The following ITGAL variants were observed in gnomAD, a reference collection of about 807,000 sequenced individuals.
ITGAL encodes integrin alpha-L.
A neutral mutation model predicts 138.4 loss-of-function variants in ITGAL; 68 were observed. That is an observed-to-expected ratio of 0.49 (90% CI 0.40 to 0.60). The LOEUF is 0.60. Among genes scored for constraint, ITGAL ranks in the 20% least tolerant of loss-of-function variants. The pLI is 0.00. For synonymous variants in ITGAL, 561 were observed against 584.3 expected (o/e 0.96, Z 0.57); for missense variants, 1,256 against 1,478.6 (o/e 0.85, Z 2.47).
chr16:30,519,836 C>T (rs2051225293), intron 29 of ITGAL, 21 bp from the exon 30 acceptor site: 1 of 1,554,314 alleles, frequency 6.4e-7, no homozygotes, highest in Non-Finnish European at 8.9e-7. Context: ...TTTTCCGGCA[C>T]TCCCCTCCCC....
intron 20 of ITGAL, among the ~76,000 whole-genome samples, chr16:30,505,842 C>T (rs949076467): frequency 2.0e-5 from 3 of 152,192 alleles, no homozygotes; most frequent in Non-Finnish European, 2.9e-5. Flanking sequence ...CACTGCACCC[C>T]AGCCTGGGTG....
At position 30,494,045 on chromosome 16, in the gene ITGAL, A is replaced by T. The variant is rs1258064464; in HGVS notation, c.1214-167A>T. Among the ~76,000 whole-genome samples the T allele has an allele frequency of 2.0e-5, 3 of 152,152 alleles. No individual in the cohort carries two copies. Among genetic ancestry groups the T allele is most frequent in the African/African-American group, 7.2e-5 (3 of 41,432 alleles). ...GACATGCCATCCCCAAGATGGCAGGATTTGTTTGGCTGGGAGCACATGGAT... is the reference window on the plus strand; with the variant it reads ...GACATGCCATCCCCAAGATGGCAGGTTTTGTTTGGCTGGGAGCACATGGAT... On this transcript the variant is annotated intron_variant, in intron 11 of 30. Transcript: ENST00000356798. The surrounding 1 kb of genome is among the most constrained non-coding windows in gnomAD (Gnocchi z 4.2).
At chr16:30,473,704 G>T (rs1414893620) in intron 1 of ITGAL, among the ~76,000 whole-genome samples, 1 of 152,130 alleles carries the variant, frequency 6.6e-6, no homozygotes, top group African/African-American at 2.4e-5. Context: ...AGGGAGCTGG[G>T]ATCTACAGAT....
At chr16:30,505,018 T>TAAAAAA (rs5816509) in intron 18 of ITGAL, 3 of 249,578 alleles carry the variant, frequency 1.2e-5, no homozygotes, top group East Asian at 5.9e-5. Flanking sequence ...AAGACAGTCT[T>TAAAAAA]AAAAAAAAAA....
chr16:30,518,760 A>T, intron 29 of ITGAL, 41 bp downstream of exon 29: 1 of 1,469,908 alleles, frequency 6.8e-7, no homozygotes, highest in Non-Finnish European at 9.5e-7. Context: ...CAGGCAACAG[A>T]GGGAGCCCAG....
In ITGAL at chr16:30,475,493, C is replaced by G; in HGVS notation, c.260-20C>G. The G allele has an allele frequency of 6.2e-7, 1 of 1,611,360 alleles. No individual in the cohort carries two copies. Among genetic ancestry groups the G allele is most frequent in the Non-Finnish European group, 8.5e-7 (1 of 1,177,480 alleles). On this transcript the variant is annotated intron_variant, in intron 3 of 30. Transcript: ENST00000356798. The stretch of plus-strand genomic sequence containing the variant: ...CTAGACTGCCTGAGCTCCTCCAGAC[C>G]AACCTTCTGGTGCCTACAGGTTCCA...
chr16:30,474,859 T>C (rs1290392760), intron 2 of ITGAL, among the ~76,000 whole-genome samples: 9 of 125,762 alleles, frequency 7.2e-5, no homozygotes, highest in East Asian at 1.2e-3. Context: ...TTTTTTTTTT[T>C]CTTTTTTTTT....
chr16:30,521,684 C>G lies in ITGAL; in HGVS notation c.*19C>G. ...GGACTGAGTCCAGGCCTGTGAGGTG[C>G]AGAGTGCCCAGAACTGGACTCAGGA... is the stretch of plus-strand genomic sequence containing the variant. On this transcript the variant is annotated 3_prime_UTR_variant, in exon 31 of 31. Transcript: ENST00000356798. The G allele has an allele frequency of 3.7e-6, 6 of 1,610,584 alleles. No individual in the cohort carries two copies. Among genetic ancestry groups the G allele is most frequent in the Non-Finnish European group, 5.1e-6 (6 of 1,178,542 alleles).
At position 30,522,472 on chromosome 16, in the gene ITGAL, G is replaced by C. The variant is rs1234323814; in HGVS notation, c.*807G>C. 6.6e-6 allele frequency: 1 copy of C among 152,296 alleles called. No homozygotes were observed. Among genetic ancestry groups the C allele is most frequent in the African/African-American group, 2.4e-5 (1 of 41,436 alleles). 9.4% of individuals were successfully genotyped at this position (152,296 alleles called of 1,614,324 possible). ...ACACGTCATGTTTCTTCATCCGGCA[G>C]CCTGGATGTTTTTTCCCTGTTTAAT... On this transcript the variant is annotated 3_prime_UTR_variant, in exon 31 of 31. Transcript: ENST00000356798. The surrounding 1 kb of genome is among the most constrained non-coding windows in gnomAD (Gnocchi z 4.0).
intron 6 of ITGAL, 82 bp from the exon 7 acceptor site, chr16:30,481,345 TAAAAAAAAAAAA>T: frequency 2.2e-6 from 1 of 448,928 alleles, no homozygotes; most frequent in Non-Finnish European, 3.5e-6. Context: ...AAACTCCATC[TAAAAAAAAAAAA>T]AAAAAAAAAA....
At chr16:30,519,824 C>G (rs1396890466) in intron 29 of ITGAL, 33 bp from the exon 30 acceptor site, 92 of 1,444,410 alleles carry the variant, frequency 6.4e-5, no homozygotes, top group Non-Finnish European at 8.9e-5. Flanking sequence ...GTGGAAAAGG[C>G]ATTTTCCGGC....
chr16:30,514,433 T>C lies in ITGAL; in HGVS notation c.2862+587T>C, dbSNP rs1160652291. Among the ~76,000 whole-genome samples the C allele has an allele frequency of 2.6e-5, 4 of 151,964 alleles. No homozygotes were observed. In the South Asian group the frequency reaches 6.2e-4, roughly 24 times the overall value. ...CTGGGATTACAGGCATGTGCCACCA[T>C]GCCCGGCTAATTTTTGTATTTTTAG... On this transcript the variant is annotated intron_variant, in intron 25 of 30. Coordinates refer to ENST00000356798, the MANE Select transcript of ITGAL (RefSeq NM_002209.3).
In ITGAL at chr16:30,494,396, G is replaced by GT. The variant is rs2050771239; in HGVS notation, c.1365+33_1365+34insT. The GT allele has an allele frequency of 6.4e-7, 1 of 1,566,140 alleles. No individual in the cohort carries two copies. On this transcript the variant is annotated intron_variant, in intron 12 of 30. Transcript: ENST00000356798. The surrounding 1 kb of genome is among the most constrained non-coding windows in gnomAD (Gnocchi z 4.2). ...CAGTCCGAGGGCATCTGCAGACCAG[G>GT]GACTGGCGGGACACACATCACACTC...
intron 25 of ITGAL, among the ~76,000 whole-genome samples, chr16:30,515,278 C>T (rs1428369192): frequency 6.6e-6 from 1 of 152,226 alleles, no homozygotes; most frequent in East Asian, 1.9e-4. Flanking sequence ...TGTCCCACTG[C>T]CTGCTGGAGT....
chr16:30,489,465 A>G, intron 11 of ITGAL, 79 bp downstream of exon 11: 1 of 1,452,770 alleles, frequency 6.9e-7, no homozygotes, highest in Non-Finnish European at 9.6e-7. Context: ...CAAAACAATA[A>G]TGAAAGCAGT....
chr16:30,519,455 A>G (rs1034174187), intron 29 of ITGAL, among the ~76,000 whole-genome samples: 3 of 151,650 alleles, frequency 2.0e-5, no homozygotes, highest in African/African-American at 7.3e-5. Flanking sequence ...GTGAAGAAAG[A>G]GCGCTCTAAG....
chr16:30,487,712 T>C (rs1012787231), intron 9 of ITGAL, among the ~76,000 whole-genome samples: 1 of 137,692 alleles, frequency 7.3e-6, no homozygotes, highest in Non-Finnish European at 1.6e-5. Flanking sequence ...GTGCCTGGCT[T>C]TTTTTTTTTT....
chr16:30,518,475 A>T, intron 28 of ITGAL, 149 bp from the exon 29 acceptor site: 1 of 582,926 alleles, frequency 1.7e-6, no homozygotes, highest in Non-Finnish European at 3.1e-6. Flanking sequence ...TAGAAAGAAA[A>T]GAATGCCACA....
At chr16:30,493,275 T>TATTTTATTTTATTTG (rs1424066970) in intron 11 of ITGAL, among the ~76,000 whole-genome samples, 9 of 150,116 alleles carry the variant, frequency 6.0e-5, no homozygotes, top group Non-Finnish European at 1.2e-4. Context: ...TATTTTATTT[T>TATTTTATTTTATTTG]ATTTTATTTA....
Sources: gnomAD v4.1 joint callset for allele counts (sites outside exome capture counted in the v4.1 genomes callset) on GRCh38, gnomAD v4.1.1 for gene constraint, Gnocchi (gnomAD v3.1) non-coding constraint, MANE v1.5 for transcripts, NCBI Gene and HGNC (gene_info 2026-07-23, HGNC 2026-07-21) for gene names.